Variants in PDE4B observed in about 807,000 individuals in gnomAD.
The protein encoded by PDE4B is phosphodiesterase 4B, also known as 3',5'-cyclic-AMP phosphodiesterase 4B.
A neutral mutation model predicts 82.2 loss-of-function variants in PDE4B; 20 were observed. That is an observed-to-expected ratio of 0.24 (90% CI 0.17 to 0.35). The LOEUF (loss-of-function observed/expected upper bound fraction) is 0.35, where lower values mean the gene tolerates loss of function less well. Ranked by LOEUF, PDE4B falls within the 10% of genes least tolerant of loss-of-function variation. PDE4B has a pLI of 1.00. For missense variants in PDE4B, 655 were observed against 907.2 expected (o/e 0.72, Z 3.57); for synonymous variants, 320 against 318.9 (o/e 1.00, Z -0.04).
intron 7 of PDE4B, among the ~76,000 whole-genome samples, chr1:66,297,830 T>A (rs1161297766): frequency 6.6e-6 from 1 of 152,134 alleles, no homozygotes; most frequent in Non-Finnish European, 1.5e-5. Context: ...ATCATTAGAA[T>A]GGTGTAATTC....
intron 3 of PDE4B, chr1:66,050,506 C>T (rs1256021672): frequency 6.6e-6 from 1 of 152,086 alleles, no homozygotes; most frequent in East Asian, 1.9e-4. Context: ...CACCTACATA[C>T]ATAAAGTATT....
At chr1:66,276,245 ACTT>A (rs1249175078) in intron 7 of PDE4B, among the ~76,000 whole-genome samples, 1 of 152,184 alleles carries the variant, frequency 6.6e-6, no homozygotes, top group East Asian at 1.9e-4. Flanking sequence ...TCCAAACTAA[ACTT>A]CTTTGCGTAT....
intron 7 of PDE4B, among the ~76,000 whole-genome samples, chr1:66,274,962 C>T (rs890111201): frequency 2.0e-5 from 3 of 151,862 alleles, no homozygotes; most frequent in South Asian, 2.1e-4. Flanking sequence ...TTTTTTCCTC[C>T]TGAGACTATA....
chr1:65,817,180 C>T (rs142535595), intron 1 of PDE4B, among the ~76,000 whole-genome samples: 1 of 152,080 alleles, frequency 6.6e-6, no homozygotes, highest in Non-Finnish European at 1.5e-5. Context: ...GACAATCTCT[C>T]CCAGTTAAGT....
chr1:65,969,897 T>G (rs1011177299), intron 3 of PDE4B, among the ~76,000 whole-genome samples: 5 of 152,110 alleles, frequency 3.3e-5, no homozygotes, highest in Admixed American at 1.3e-4. Context: ...TCATTTTCCA[T>G]TCTAATAACA....
rs750862293 is a variant in PDE4B, at chr1:65,918,868, A to T, written c.281+33A>T. On this transcript the variant is annotated intron_variant, in intron 3 of 16. Coordinates refer to ENST00000341517, the MANE Select transcript of PDE4B (RefSeq NM_002600.4). ...GCCTCAAAATCAAATGTCAATTCTA[A>T]ATTTTTATTTTCCAATTTCTCCAAA... is the stretch of plus-strand genomic sequence containing the variant. 4 of 1,306,560 alleles carry T rather than the reference A, an allele frequency of 3.1e-6. No individual in the cohort carries two copies. The South Asian group carries it at 4.7e-5, about 15-fold the overall frequency. 80.9% of individuals were successfully genotyped at this position (1,306,560 alleles called of 1,614,324 possible). A position where few individuals can be genotyped will look rare whatever the true frequency, so the allele number is the denominator to read the frequency against.
intron 1 of PDE4B, among the ~76,000 whole-genome samples, chr1:65,844,391 A>G (rs1489049819): frequency 1.3e-5 from 2 of 152,196 alleles, no homozygotes; most frequent in Non-Finnish European, 2.9e-5. Flanking sequence ...CATCGCCTTG[A>G]TGATAGATCT....
chr1:65,866,347 A>T (rs143550503), intron 1 of PDE4B, among the ~76,000 whole-genome samples: 1 of 152,320 alleles, frequency 6.6e-6, no homozygotes, highest in East Asian at 1.9e-4. Flanking sequence ...ATAACATGTA[A>T]GTAGGAGAAA....
chr1:66,319,585 C>G (rs952964419), intron 7 of PDE4B, among the ~76,000 whole-genome samples: 1 of 152,184 alleles, frequency 6.6e-6, no homozygotes, highest in African/African-American at 2.4e-5. Flanking sequence ...GAGCACTGAA[C>G]TTGGAGTCAG....
At chr1:66,124,510 A>C (rs1466903438) in intron 3 of PDE4B, among the ~76,000 whole-genome samples, 5 of 152,246 alleles carry the variant, frequency 3.3e-5, no homozygotes, top group Admixed American at 2.0e-4. Context: ...TTTATGGATC[A>C]TCTAATCAGT....
chr1:66,159,032 A>G (rs1646557357), intron 3 of PDE4B, among the ~76,000 whole-genome samples: 1 of 152,214 alleles, frequency 6.6e-6, no homozygotes, highest in African/African-American at 2.4e-5. Flanking sequence ...TTACACAATA[A>G]GGTGACACGT....
intron 3 of PDE4B, among the ~76,000 whole-genome samples, chr1:66,202,333 G>A (rs892377524): frequency 3.9e-5 from 6 of 152,088 alleles, no homozygotes; most frequent in African/African-American, 1.5e-4. Flanking sequence ...GTTGATTTGG[G>A]GTGGAGAGTT....
chr1:66,285,301 C>T (rs768831848), intron 7 of PDE4B, among the ~76,000 whole-genome samples: 12 of 152,130 alleles, frequency 7.9e-5, no homozygotes, highest in Non-Finnish European at 1.8e-4. Context: ...TCCACAAAGT[C>T]GAACACAAAT....
intron 3 of PDE4B, among the ~76,000 whole-genome samples, chr1:65,935,705 GCTGAGGTGGGTGGATCAC>G (rs1648088403): frequency 6.6e-6 from 1 of 152,160 alleles, no homozygotes; most frequent in African/African-American, 2.4e-5. Flanking sequence ...ACTTTGGCAA[GCTGAGGTGGGTGGATCAC>G]CTGAGGTCGA....
chr1:66,099,919 T>C (rs144356286), intron 3 of PDE4B, among the ~76,000 whole-genome samples: 1 of 152,288 alleles, frequency 6.6e-6, no homozygotes, highest in Non-Finnish European at 1.5e-5. Context: ...CTCTCATGTT[T>C]CTTACTTAAT....
chr1:66,204,811 C>T (rs1476222076), intron 3 of PDE4B, among the ~76,000 whole-genome samples: 1 of 152,220 alleles, frequency 6.6e-6, no homozygotes, highest in African/African-American at 2.4e-5. Flanking sequence ...GAGGCAATGC[C>T]TTGCCCTGCT....
intron 1 of PDE4B, among the ~76,000 whole-genome samples, chr1:65,848,484 A>G (rs537061972): frequency 6.6e-6 from 1 of 152,004 alleles, no homozygotes; most frequent in East Asian, 1.9e-4. Flanking sequence ...TGAAATGTCA[A>G]CCACAATCAA....
intron 3 of PDE4B, among the ~76,000 whole-genome samples, chr1:66,116,911 C>G (rs1198255493): frequency 2.0e-5 from 3 of 152,132 alleles, no homozygotes; most frequent in African/African-American, 7.2e-5. Flanking sequence ...CCCTTTTCAG[C>G]TACAGCCCCA....
chr1:66,148,422 C>T (rs982543943), intron 3 of PDE4B, among the ~76,000 whole-genome samples: 2 of 151,938 alleles, frequency 1.3e-5, no homozygotes, highest in African/African-American at 2.4e-5. Context: ...CTTTCTATGC[C>T]GATTCTATTT....
Sources: allele counts gnomAD v4.1 joint callset (sites outside exome capture counted in the v4.1 genomes callset), GRCh38; gene constraint gnomAD v4.1.1; transcripts MANE v1.5; gene names NCBI Gene and HGNC (gene_info 2026-07-23, HGNC 2026-07-21).